NTM: variants seen among roughly 807,000 people sequenced by gnomAD.
NTM encodes the protein neurotrimin.
Under a neutral mutation model 42.1 loss-of-function variants are expected in NTM, and 13 were observed. The ratio of observed to expected loss-of-function variants is 0.31; its 90% confidence interval spans 0.20 to 0.49. The LOEUF (loss-of-function observed/expected upper bound fraction) is 0.49, where lower values mean the gene tolerates loss of function less well. Among genes scored for constraint, NTM ranks in the 20% least tolerant of loss-of-function variants. NTM has a pLI of 0.99. For synonymous variants in NTM, 187 were observed against 179.2 expected, an observed-to-expected ratio of 1.04 and a Z score of -0.35; for missense variants, 373 against 452.8, an observed-to-expected ratio of 0.82 and a Z score of 1.60.
rs570371215 is a variant in NTM, at chr11:131,683,837, G to A, written c.83-227727G>A. Among the ~76,000 whole-genome samples, 30 of 152,214 alleles carry A rather than the reference G, an allele frequency of 2.0e-4. No homozygotes were observed. The South Asian group carries it at 5.2e-3, about 26-fold the overall frequency. ...GTCCTTTGTCATTGGAGCTGATGGC[G>A]TCCTAGGCTGACTTCTCCCCGGGGT... On this transcript the variant is annotated intron_variant, in intron 1 of 8. Coordinates refer to ENST00000683400, the MANE Select transcript of NTM (RefSeq NM_001352005.2).
At chr11:131,763,157 A>G (rs2084503664) in intron 1 of NTM, among the ~76,000 whole-genome samples, 1 of 152,092 alleles carries the variant, frequency 6.6e-6, no homozygotes, top group African/African-American at 2.4e-5. Flanking sequence ...ACACCTTTAC[A>G]TAAAACCCAG....
chr11:132,090,994 T>C (rs555263780), intron 2 of NTM, among the ~76,000 whole-genome samples: 2 of 152,350 alleles, frequency 1.3e-5, no homozygotes, highest in African/African-American at 4.8e-5. Context: ...CTATTTCCAA[T>C]TTTCTCCATT....
At chr11:131,826,573 A>G (rs1270774054) in intron 1 of NTM, among the ~76,000 whole-genome samples, 1 of 151,746 alleles carries the variant, frequency 6.6e-6, no homozygotes. Context: ...CTAAAAAAAA[A>G]AAAGTCAGAA....
intron 4 of NTM, among the ~76,000 whole-genome samples, chr11:132,290,329 C>G (rs578187707): frequency 3.9e-5 from 6 of 152,004 alleles, no homozygotes; most frequent in Non-Finnish European, 8.8e-5. Flanking sequence ...TCTCCCACTG[C>G]CCTGCCCTTG....
intron 1 of NTM, among the ~76,000 whole-genome samples, chr11:131,731,894 T>A (rs1289456303): frequency 6.6e-6 from 1 of 152,210 alleles, no homozygotes. Context: ...TTGGTGCTGC[T>A]GGGCGGACCT....
chr11:132,317,737 C>G (rs753348175), intron 7 of NTM: 58 of 1,140,050 alleles, frequency 5.1e-5, no homozygotes, highest in Non-Finnish European at 6.9e-5. Context: ...TCCCTCTATC[C>G]CAGAGGCCCC....
intron 1 of NTM, among the ~76,000 whole-genome samples, chr11:131,496,645 C>G (rs896636510): frequency 1.3e-5 from 2 of 152,200 alleles, no homozygotes; most frequent in African/African-American, 2.4e-5. Flanking sequence ...TCATTCTGAC[C>G]CAGCATCTTC....
intron 1 of NTM, among the ~76,000 whole-genome samples, chr11:131,583,389 AAG>A (rs1460552468): frequency 6.6e-6 from 1 of 152,190 alleles, no homozygotes; most frequent in Admixed American, 6.5e-5. Flanking sequence ...AAATCTGTCT[AAG>A]ATATCTTCTT....
intron 1 of NTM, among the ~76,000 whole-genome samples, chr11:131,590,397 C>G (rs1457510963): frequency 6.6e-6 from 1 of 152,140 alleles, no homozygotes; most frequent in East Asian, 1.9e-4. Context: ...GGAGAAGAAC[C>G]AAGCGACATG....
chr11:132,244,633 C>T (rs1324169001), intron 4 of NTM, among the ~76,000 whole-genome samples: 1 of 152,196 alleles, frequency 6.6e-6, no homozygotes, highest in African/African-American at 2.4e-5. Context: ...TTCAACCTTG[C>T]TATTCTAATA....
At chr11:132,324,004 T>C in intron 7 of NTM, among the ~76,000 whole-genome samples, 1 of 141,504 alleles carries the variant, frequency 7.1e-6, no homozygotes, top group South Asian at 2.4e-4. Flanking sequence ...CTCAATAAAT[T>C]AGGTATTGAT....
Position 132,276,189 on chromosome 11 carries a change from G to A in NTM, c.527-31500G>A, listed in dbSNP as rs981506697. Among the ~76,000 whole-genome samples, 8 of 151,956 alleles carry A rather than the reference G, an allele frequency of 5.3e-5. No homozygotes were observed. In the South Asian group the frequency reaches 6.2e-4, roughly 12 times the overall value. ...GAAGTGACAGATTTTATTTTTGTGT[G>A]GCTGAATAGTATTCCATTGTGTATA... On this transcript the variant is annotated intron_variant, in intron 4 of 8. Transcript: ENST00000683400.
At chr11:131,546,123 C>T (rs1357842639) in intron 1 of NTM, among the ~76,000 whole-genome samples, 1 of 152,148 alleles carries the variant, frequency 6.6e-6, no homozygotes, top group East Asian at 1.9e-4. Context: ...AGTGTCAGGT[C>T]TTTTCCTTTT....
At chr11:131,430,851 A>G (rs763879645) in intron 1 of NTM, among the ~76,000 whole-genome samples, 26 of 152,194 alleles carry the variant, frequency 1.7e-4, no homozygotes, top group Admixed American at 3.9e-4. Flanking sequence ...GCTCTTCCTG[A>G]ATGCTCTCTC....
intron 1 of NTM, among the ~76,000 whole-genome samples, chr11:131,728,717 T>C (rs1333751556): frequency 6.6e-6 from 1 of 152,178 alleles, no homozygotes; most frequent in African/African-American, 2.4e-5. Context: ...GGTTAAGCCA[T>C]TGGCCAATTC....
chr11:132,298,771 C>T (rs751245417), intron 4 of NTM, among the ~76,000 whole-genome samples: 8 of 152,096 alleles, frequency 5.3e-5, no homozygotes, highest in Non-Finnish European at 1.0e-4. Flanking sequence ...TTGATATATG[C>T]GTAGCTATGC....
At chr11:131,467,775 G>A (rs1045571674) in intron 1 of NTM, among the ~76,000 whole-genome samples, 2 of 152,184 alleles carry the variant, frequency 1.3e-5, no homozygotes, top group Non-Finnish European at 2.9e-5. Flanking sequence ...AGTGTGTGCT[G>A]TGTGGGTCAC....
At chr11:131,647,112 A>G (rs1459486455) in intron 1 of NTM, among the ~76,000 whole-genome samples, 2 of 152,056 alleles carry the variant, frequency 1.3e-5, no homozygotes, top group East Asian at 3.9e-4. Flanking sequence ...TAAATCCCAC[A>G]CGTTTTCTCA....
At chr11:131,484,489 G>A (rs1953945392) in intron 1 of NTM, among the ~76,000 whole-genome samples, 1 of 152,210 alleles carries the variant, frequency 6.6e-6, no homozygotes, top group Non-Finnish European at 1.5e-5. Flanking sequence ...GCTGCTTCGG[G>A]CAGCACACAG....
Sources: allele counts gnomAD v4.1 joint callset (sites outside exome capture counted in the v4.1 genomes callset), GRCh38; gene constraint gnomAD v4.1.1; transcripts MANE v1.5; gene names NCBI Gene and HGNC (gene_info 2026-07-23, HGNC 2026-07-21).